WBP2: variants seen among roughly 807,000 people sequenced by gnomAD.
WBP2 encodes the protein WW domain-binding protein 2.
WBP2 carries 23 observed loss-of-function variants against 33.0 expected under a neutral mutation model. The ratio of observed to expected loss-of-function variants is 0.70; its 90% CI spans 0.50 to 0.99. The LOEUF (loss-of-function observed/expected upper bound fraction) is 0.99. WBP2 is among the 50% of genes least tolerant of loss of function. The pLI, the probability that WBP2 is intolerant of heterozygous loss-of-function variation, is 0.00. For missense variants in WBP2, 353 were observed against 358.0 expected (o/e 0.99, Z 0.11); for synonymous variants, 153 against 133.5 (o/e 1.15, Z -1.01).
intron 6 of WBP2, 158 bp from the exon 7 acceptor site, chr17:75,847,142 C>G: frequency 1.3e-6 from 1 of 773,868 alleles, no homozygotes; most frequent in African/African-American, 1.7e-5. Context: ...ATGCCACGCG[C>G]TGGCACGGTC....
At position 75,851,664 on chromosome 17, in the gene WBP2, G is replaced by A. The variant is rs772062853; in HGVS notation, c.72C>T (p.Ser24=). The change falls in exon 2 of 8, where the codon TCC becomes TCT. Residue 24 remains serine (S), a synonymous_variant. Transcript: ENST00000254806. The part of the protein sequence containing the change: ...IVNNTESILM[S]YDHVELTFND... ...TGAATGTGAGTTCCACGTGATCATAGGACATTAGGATGCTGTGATGAGAAA... is the reference window on the plus strand; with the variant it reads ...TGAATGTGAGTTCCACGTGATCATAAGACATTAGGATGCTGTGATGAGAAA... The A allele has an allele frequency of 1.2e-6, 2 of 1,613,028 alleles. No homozygotes were observed. The highest frequency in any genetic ancestry group is 1.1e-5 in the South Asian group (1 of 91,026).
chr17:75,847,814 A>G lies in WBP2; in HGVS notation c.514T>C (p.Tyr172His). ...CACTCACCAGGTGGGGGCGGTGGAT[A>G]GGGGTAGCCAGGAGGGCAGGGGTAC... ...GMYPCPPGYP[Y>H]PPPPPEFYPG... Residue 172 changes from tyrosine (Y) to histidine (H), a missense_variant, in exon 5 of 8, where the codon TAT becomes CAT. Physicochemically the swap from Tyr to His is moderately conservative, Grantham distance 83. Coordinates refer to ENST00000254806, the MANE Select transcript of WBP2 (RefSeq NM_012478.4). 1 of 1,556,654 alleles carries G rather than the reference A, an allele frequency of 6.4e-7. No homozygotes were observed.
upstream of WBP2, among the ~76,000 whole-genome samples, chr17:75,856,014 C>T (rs1180698102): frequency 1.3e-5 from 2 of 152,194 alleles, no homozygotes; most frequent in Non-Finnish European, 2.9e-5. Context: ...ACCACGTTCG[C>T]AGGCCGGCCG....
intron 1 of WBP2, among the ~76,000 whole-genome samples, chr17:75,854,150 T>C (rs565199826): frequency 1.8e-4 from 27 of 149,784 alleles, no homozygotes; most frequent in African/African-American, 6.2e-4. Context: ...GCGGGTAAGA[T>C]AGAGGGAAAG....
At position 75,846,560 on chromosome 17, in the gene WBP2, AC is replaced by A; in HGVS notation, c.*173del. 2 of 824,948 alleles carry A rather than the reference AC, an allele frequency of 2.4e-6. No individual in the cohort carries two copies. Among genetic ancestry groups the A allele is most frequent in the Non-Finnish European group, 4.0e-6 (2 of 504,102 alleles). 51.1% of individuals were successfully genotyped at this position (824,948 alleles called of 1,614,324 possible). ...GGGCTGGCATGGGAAGCTGGGCGGC[AC>A]CTCTCCCGAGGCCGGGGGCCCTAAT... On this transcript the variant is annotated 3_prime_UTR_variant, in exon 8 of 8. Coordinates refer to ENST00000254806, the MANE Select transcript of WBP2 (RefSeq NM_012478.4). This position sits in a 1 kb window ranked among gnomAD's most constrained non-coding sequence, Gnocchi z 4.8.
rs1381604527 is a variant in WBP2, at chr17:75,847,801, G to T, written c.527C>A (p.Pro176Gln). The T allele has an allele frequency of 3.9e-6, 6 of 1,556,276 alleles. No homozygotes were observed. Among genetic ancestry groups the T allele is most frequent in the Non-Finnish European group, 5.2e-6 (6 of 1,149,270 alleles). The stretch of plus-strand genomic sequence containing the variant: ...GCAGCAAAGGACACACTCACCAGGT[G>T]GGGGCGGTGGATAGGGGTAGCCAGG... ...CPPGYPYPPP[P>Q]PEFYPGPPMM... The change falls in exon 5 of 8, where the codon CCA (proline) becomes CAA (glutamine). Residue 176 changes from proline (P) to glutamine (Q), a missense_variant. Physicochemically the swap from Pro to Gln is moderately conservative, Grantham distance 76 (BLOSUM62 -1). Coordinates refer to ENST00000254806, the MANE Select transcript of WBP2 (RefSeq NM_012478.4).
At chr17:75,850,317 C>A (rs569311303) in intron 2 of WBP2, among the ~76,000 whole-genome samples, 1 of 151,490 alleles carries the variant, frequency 6.6e-6, no homozygotes, top group African/African-American at 2.4e-5. Flanking sequence ...GCGATCTTGG[C>A]TCGCTGCAAG....
At chr17:75,847,405 C>G (rs773260373) in intron 6 of WBP2, 82 bp downstream of exon 6, 3 of 1,546,998 alleles carry the variant, frequency 1.9e-6, no homozygotes, top group Non-Finnish European at 2.6e-6. Context: ...TCAGCAGTCT[C>G]TGGCCATTCT....
rs1185434587 is a variant in WBP2, at chr17:75,852,567, T to TGCCTCAGTCTCCC, written c.60-904_60-892dup. The TGCCTCAGTCTCCC allele has an allele frequency of 3.9e-5, 6 of 152,208 alleles. No homozygotes were observed. The Admixed American group carries it at 3.9e-4, about 10-fold the overall frequency. 9.4% of individuals were successfully genotyped at this position (152,208 alleles called of 1,614,324 possible). On this transcript the variant is annotated intron_variant, in intron 1 of 7. Coordinates refer to ENST00000254806, the MANE Select transcript of WBP2 (RefSeq NM_012478.4). ...GCCTCCTGGGTTCATGCCATTCTCC[T>TGCCTCAGTCTCCC]GCCTCAGTCTCCCAAGTAGCTGGGA...
chr17:75,846,499 G>C lies in WBP2; in HGVS notation c.*235C>G, dbSNP rs563775025. 1 of 585,258 alleles carries C rather than the reference G, an allele frequency of 1.7e-6. No individual in the cohort carries two copies. The highest frequency in any genetic ancestry group is 1.9e-5 in the African/African-American group (1 of 53,098). The allele number at this position is 585,258 out of a possible 1,614,324, so 36.3% of individuals were successfully genotyped here. A position where few individuals can be genotyped will look rare whatever the true frequency, so the allele number is the denominator to read the frequency against. ...CCGTGCTCCCAGAAGAGCCCCAGAC[G>C]GTGAGGGAGGTACGCTGGGCAGCAC... is the stretch of plus-strand genomic sequence containing the variant. On this transcript the variant is annotated 3_prime_UTR_variant, in exon 8 of 8. Transcript: ENST00000254806. This position sits in a 1 kb window ranked among gnomAD's most constrained non-coding sequence, Gnocchi z 4.8.
At position 75,848,820 on chromosome 17, in the gene WBP2, G is replaced by A. The variant is rs895270361; in HGVS notation, c.305-158C>T. On this transcript the variant is annotated intron_variant, in intron 3 of 7. Coordinates refer to ENST00000254806, the MANE Select transcript of WBP2 (RefSeq NM_012478.4). ...GGACTTCCTGGTGCCATGGTTTCCA[G>A]CCTGCTGCCTGCATAGGAGCCAGCA... is the stretch of plus-strand genomic sequence containing the variant. 9 of 663,092 alleles carry A rather than the reference G, an allele frequency of 1.4e-5. No individual in the cohort carries two copies. The African/African-American group carries it at 1.6e-4, about 12-fold the overall frequency. 41.1% of individuals were successfully genotyped at this position (663,092 alleles called of 1,614,324 possible).
intron 1 of WBP2, among the ~76,000 whole-genome samples, chr17:75,854,250 A>G (rs1231922715): frequency 6.6e-6 from 1 of 152,104 alleles, no homozygotes; most frequent in African/African-American, 2.4e-5. Flanking sequence ...TTAGCTGGGT[A>G]CAGGGCTCTG....
intron 4 of WBP2, 99 bp from the exon 5 acceptor site, chr17:75,848,029 A>C: frequency 6.8e-7 from 1 of 1,460,950 alleles, no homozygotes. Context: ...GGTCTCAGGA[A>C]TGTGCCCCGC....
At chr17:75,847,165 A>G in intron 6 of WBP2, 181 bp from the exon 7 acceptor site, 3 of 706,092 alleles carry the variant, frequency 4.2e-6, no homozygotes, top group Non-Finnish European at 7.1e-6. Flanking sequence ...TTCCAGGCCC[A>G]TCGCATGTCT....
At chr17:75,852,027 C>T (rs1379743435) in intron 1 of WBP2, 2 of 205,684 alleles carry the variant, frequency 9.7e-6, no homozygotes, top group Non-Finnish European at 2.1e-5. Flanking sequence ...TCGCTTGAAC[C>T]CAGGAGGCAG....
At chr17:75,853,191 C>T (rs558882940) in intron 1 of WBP2, among the ~76,000 whole-genome samples, 4 of 152,050 alleles carry the variant, frequency 2.6e-5, no homozygotes, top group Admixed American at 1.3e-4. Flanking sequence ...GGATTACAGG[C>T]ATGCGCCACC....
intron 1 of WBP2, 183 bp downstream of exon 1, chr17:75,855,056 C>T (rs1314278617): frequency 3.7e-6 from 1 of 272,890 alleles, no homozygotes; most frequent in Non-Finnish European, 7.2e-6. Context: ...CTGATCACAA[C>T]CTCCCGGGCT....
intron 5 of WBP2, 23 bp downstream of exon 5, chr17:75,847,773 G>A (rs375863007): frequency 3.2e-5 from 49 of 1,544,532 alleles, no homozygotes; most frequent in African/African-American, 2.9e-4. Context: ...GAGGGGAGTG[G>A]GGGCAGCAAA....
intron 2 of WBP2, among the ~76,000 whole-genome samples, chr17:75,849,968 G>C (rs1379732362): frequency 6.6e-6 from 1 of 152,232 alleles, no homozygotes; most frequent in East Asian, 1.9e-4. Context: ...GCTGGTCACA[G>C]ATAGTATCTA....
Sources: allele counts gnomAD v4.1 joint callset (sites outside exome capture counted in the v4.1 genomes callset), GRCh38; gene constraint gnomAD v4.1.1; non-coding constraint Gnocchi (gnomAD v3.1); transcripts MANE v1.5; gene names NCBI Gene and HGNC (gene_info 2026-07-23, HGNC 2026-07-21).